Variants in PSME4 observed in about 807,000 individuals in gnomAD.
The protein encoded by PSME4 is proteasome activator complex subunit 4.
In PSME4, 89 loss-of-function variants were observed where a neutral mutation model predicts 253.9. That is an observed-to-expected ratio of 0.35 (90% CI 0.30 to 0.42). The LOEUF is 0.42. Ranked by LOEUF, PSME4 falls within the 10% of genes least tolerant of loss-of-function variation. The probability of loss-of-function intolerance (pLI) is 1.00; values close to 1 mark genes in which losing one functional copy is unlikely to be tolerated. For missense variants in PSME4, 2,014 were observed against 2,195.2 expected, an observed-to-expected ratio of 0.92 and a Z score of 1.65; for synonymous variants, 851 against 759.2, an observed-to-expected ratio of 1.12 and a Z score of -1.99.
chr2:53,958,710 T>C (rs1005568299), intron 1 of PSME4, among the ~76,000 whole-genome samples: 2 of 151,370 alleles, frequency 1.3e-5, no homozygotes, highest in Non-Finnish European at 2.9e-5. Flanking sequence ...TCAGGTAAGG[T>C]GGAACTAAAA....
chr2:53,952,810 G>A (rs1036854592), intron 1 of PSME4, among the ~76,000 whole-genome samples: 8 of 152,148 alleles, frequency 5.3e-5, no homozygotes, highest in Non-Finnish European at 1.2e-4. Flanking sequence ...ATGCCCAATC[G>A]CCTGTCCACT....
Position 53,886,577 on chromosome 2 carries a change from G to A in PSME4, c.4729+682C>T, listed in dbSNP as rs553979492. ...CAAACAAAACAGGTGGCGAGAACAC[G>A]GAACCCTTGTGCATTTGCTGACTGG... On this transcript the variant is annotated intron_variant, in intron 40 of 46. Transcript: ENST00000404125. Among the ~76,000 whole-genome samples the A allele has an allele frequency of 8.5e-5, 13 of 152,278 alleles. No individual in the cohort carries two copies. The East Asian group carries it at 1.7e-3, about 20-fold the overall frequency.
intron 41 of PSME4, 117 bp downstream of exon 41, chr2:53,885,573 T>G: frequency 1.5e-6 from 1 of 656,582 alleles, no homozygotes. Context: ...CCATTCTACT[T>G]TTCAGAGATC....
At chr2:53,882,154 G>A (rs1679416991) in intron 41 of PSME4, among the ~76,000 whole-genome samples, 2 of 152,066 alleles carry the variant, frequency 1.3e-5, no homozygotes, top group Admixed American at 1.3e-4. Context: ...ACAACAATGT[G>A]TTAGCTGAAG....
chr2:53,877,649 G>A (rs1679198944), intron 41 of PSME4, among the ~76,000 whole-genome samples: 1 of 152,112 alleles, frequency 6.6e-6, no homozygotes, highest in South Asian at 2.1e-4. Context: ...CCAAGGGTGG[G>A]GGATTCTTTC....
intron 46 of PSME4, chr2:53,865,832 G>A (rs901249957): frequency 1.4e-5 from 6 of 422,950 alleles, no homozygotes; most frequent in African/African-American, 1.2e-4. Context: ...CTATTCCCAG[G>A]CTGACACCAC....
rs749625568 is a variant in PSME4 at position 53,906,684 on chromosome 2, G to T, written c.2857C>A (p.Leu953Ile). The T allele has an allele frequency of 3.7e-6, 6 of 1,600,036 alleles. No homozygotes were observed. Among genetic ancestry groups the T allele is most frequent in the Non-Finnish European group, 5.1e-6 (6 of 1,174,688 alleles). Residue 953 changes from leucine to isoleucine, a missense_variant, in exon 26 of 47, where the codon CTA becomes ATA. Leu to Ile is a conservative substitution (Grantham distance 5). Around this residue, in one of 4 missense-constraint regions of PSME4, gnomAD observed 989 missense variants for 1,021.1 expected, o/e 0.97. Coordinates refer to ENST00000404125, the MANE Select transcript of PSME4 (RefSeq NM_014614.3). ...TTGTATTCACAACCCTCAACAGTTA[G>T]TGTCCGTAGCTAAGAAAACAATCGC... ...RVMLQHELRT[L>I]TVEGCEYKKI...
rs200507902 is a variant in PSME4 at position 53,939,044 on chromosome 2, G to GC, written c.545+911_545+912insG. The stretch of plus-strand genomic sequence containing the variant: ...AAGTGATAATCAAGTTTCCAGTGAG[G>GC]AAACACAGGCCAAGAAGGTAACTGC... On this transcript the variant is annotated intron_variant, in intron 4 of 46. Coordinates refer to ENST00000404125, the MANE Select transcript of PSME4 (RefSeq NM_014614.3). Among the ~76,000 whole-genome samples the GC allele has an allele frequency of 5.3e-3, 808 of 152,260 alleles. 6 individuals carry two copies. Among genetic ancestry groups the GC allele is most frequent in the African/African-American group, 0.018 (768 of 41,544 alleles).
intron 20 of PSME4, among the ~76,000 whole-genome samples, chr2:53,911,138 T>G (rs541528679): frequency 3.3e-5 from 5 of 152,190 alleles, no homozygotes; most frequent in Non-Finnish European, 7.3e-5. Flanking sequence ...ATCTAAGTAA[T>G]AGGTAAAAAC....
chr2:53,965,164 C>CTTATTCTCCATCCTTT (rs1383455238), intron 1 of PSME4, among the ~76,000 whole-genome samples: 1 of 152,050 alleles, frequency 6.6e-6, no homozygotes, highest in Admixed American at 6.6e-5. Context: ...AATCCATTCG[C>CTTATTCTCCATCCTTT]TTATTCTCCA....
intron 35 of PSME4, among the ~76,000 whole-genome samples, chr2:53,893,470 T>C (rs1469226421): frequency 1.3e-5 from 2 of 152,208 alleles, no homozygotes; most frequent in African/African-American, 4.8e-5. Flanking sequence ...AATTGTATTA[T>C]ATATTAATGC....
At chr2:53,941,175 A>T (rs805363) in intron 3 of PSME4, among the ~76,000 whole-genome samples, 1 of 143,566 alleles carries the variant, frequency 7.0e-6, no homozygotes, top group Admixed American at 7.4e-5. Flanking sequence ...ATATTATATA[A>T]CCAAGAGAGG....
At chr2:53,937,353 C>A in intron 5 of PSME4, 38 bp downstream of exon 5, 2 of 1,474,322 alleles carry the variant, frequency 1.4e-6, no homozygotes, top group Non-Finnish European at 1.8e-6. Flanking sequence ...TATTTCCTAC[C>A]GTATTTTTAG....
intron 3 of PSME4, among the ~76,000 whole-genome samples, chr2:53,942,658 A>G (rs1406070005): frequency 3.3e-5 from 5 of 152,220 alleles, no homozygotes; most frequent in Non-Finnish European, 4.4e-5. Context: ...AAGCAGGTAT[A>G]CGGCCCAGAA....
Position 53,945,367 on chromosome 2 carries a change from A to G in PSME4, c.500+3054T>C, listed in dbSNP as rs112750566. ...TTAGTTCACACTCATCTCCTTTCCA[A>G]TTTTACTTCTTCTATTGAATAAAAA... On this transcript the variant is annotated intron_variant, in intron 3 of 46. Transcript: ENST00000404125. 2.0e-4 allele frequency among the ~76,000 whole-genome samples: 30 copies of G among 152,104 alleles called. 1 individual carries two copies. Among genetic ancestry groups the G allele is most frequent in the African/African-American group, 7.0e-4 (29 of 41,438 alleles).
In PSME4 at chr2:53,936,231, T is replaced by A. The variant is rs904251718; in HGVS notation, c.760-70A>T. 12 of 1,586,764 alleles carry A rather than the reference T, an allele frequency of 7.6e-6. No homozygotes were observed. In the African/African-American group the frequency reaches 1.6e-4, roughly 22 times the overall value. ...TGTTTAAGTGTCATAGTCACACCCC[T>A]CCTCCATTTGTTCTTTTTGGCAATC... On this transcript the variant is annotated intron_variant, in intron 6 of 46. Coordinates refer to ENST00000404125, the MANE Select transcript of PSME4 (RefSeq NM_014614.3).
At chr2:53,899,770 A>G (rs1680308284) in intron 29 of PSME4, 111 bp downstream of exon 29, 7 of 1,298,684 alleles carry the variant, frequency 5.4e-6, no homozygotes, top group Non-Finnish European at 7.5e-6. Context: ...GTGAGCCATG[A>G]TCGTCTCACT....
At chr2:53,908,896 T>G in intron 21 of PSME4, 56 bp from the exon 22 acceptor site, 1 of 1,311,012 alleles carries the variant, frequency 7.6e-7, no homozygotes. Context: ...CTCAGACTTT[T>G]AAAGTTTATA....
chr2:53,946,204 C>G (rs1019084779), intron 3 of PSME4, among the ~76,000 whole-genome samples: 2 of 152,178 alleles, frequency 1.3e-5, no homozygotes, highest in Non-Finnish European at 2.9e-5. Flanking sequence ...AAGGTAGACC[C>G]TTAAGGCAGG....
Sources: gnomAD v4.1 joint callset for allele counts (sites outside exome capture counted in the v4.1 genomes callset) on GRCh38, gnomAD v4.1.1 for gene constraint, gnomAD v4.1.1 regional missense constraint, MANE v1.5 for transcripts, NCBI Gene and HGNC (gene_info 2026-07-23, HGNC 2026-07-21) for gene names.